The following MALRD1 variants were observed in gnomAD, a reference collection of about 807,000 sequenced individuals.
The protein encoded by MALRD1 is MAM and LDL receptor class A domain containing 1, also known as MAM and LDL-receptor class A domain-containing protein 1.
Under a neutral mutation model 242.1 loss-of-function variants are expected in MALRD1, and 247 were observed. The observed-to-expected ratio is 1.02, with a 90% CI of 0.92 to 1.13. The LOEUF is 1.13. MALRD1 is among the 50% of genes most tolerant of loss of function. The probability of loss-of-function intolerance (pLI) is 0.00; values close to 1 mark genes in which losing one functional copy is unlikely to be tolerated. For missense variants in MALRD1, 2,989 were observed against 2,533.1 expected, an observed-to-expected ratio of 1.18 and a Z score of -3.86; for synonymous variants, 995 against 866.6, an observed-to-expected ratio of 1.15 and a Z score of -2.60.
At chr10:19,313,379 A>T (rs2131996989) in intron 21 of MALRD1, among the ~76,000 whole-genome samples, 2 of 151,544 alleles carry the variant, frequency 1.3e-5, no homozygotes, top group Admixed American at 1.3e-4. Flanking sequence ...CTGATCTAAA[A>T]TCTGTAATTT....
At chr10:19,125,364 T>TC (rs1491231427) in intron 7 of MALRD1, among the ~76,000 whole-genome samples, 6 of 122,576 alleles carry the variant, frequency 4.9e-5, no homozygotes, top group South Asian at 2.9e-4. Flanking sequence ...TTTCTTTCTT[T>TC]CTTTCTTTCT....
intron 19 of MALRD1, among the ~76,000 whole-genome samples, chr10:19,276,220 C>T (rs548571391): frequency 4.6e-5 from 7 of 152,170 alleles, no homozygotes; most frequent in East Asian, 1.9e-4. Flanking sequence ...TGACAAAATA[C>T]GTCACTTTCC....
chr10:19,269,182 C>T (rs1401506853), intron 19 of MALRD1, among the ~76,000 whole-genome samples: 1 of 152,124 alleles, frequency 6.6e-6, no homozygotes, highest in Non-Finnish European at 1.5e-5. Flanking sequence ...GAATATTTTC[C>T]CCACTCCACA....
At position 19,280,080 on chromosome 10, in the gene MALRD1, A is replaced by G; in HGVS notation, c.3113A>G (p.Glu1038Gly). Residue 1038 changes from glutamate (E) to glycine (G), a missense_variant, in exon 20 of 40, where the codon GAA (glutamate) becomes GGA (glycine). By Grantham distance (98) the Glu-to-Gly change is moderately conservative (BLOSUM62 -2). Coordinates refer to ENST00000454679, the MANE Select transcript of MALRD1 (RefSeq NM_001142308.3). ...CCAGCAGACCTCCCAACTCCACCAG[A>G]AACGTCAGTTCCTGTAACATTACCT... ...NLPADLPTPPETSVPVTLPPH... is the reference protein window; with the variant it reads ...NLPADLPTPPGTSVPVTLPPH... 1 of 1,523,542 alleles carries G rather than the reference A, an allele frequency of 6.6e-7. No homozygotes were observed. The allele number at this position is 1,523,542 out of a possible 1,614,324, so 94.4% of individuals were successfully genotyped here. A position where few individuals can be genotyped will look rare whatever the true frequency, so the allele number is the denominator to read the frequency against.
At chr10:19,637,686 GC>G (rs143637978) in intron 36 of MALRD1, among the ~76,000 whole-genome samples, 6,821 of 152,240 alleles carry the variant, frequency 0.045, 204 homozygotes, top group Middle Eastern at 0.092. Flanking sequence ...GGCACCTGGG[GC>G]TAAGTCAGGG....
chr10:19,441,572 C>T (rs2993648), intron 28 of MALRD1, among the ~76,000 whole-genome samples: 106,947 of 152,030 alleles, frequency 0.7, 37,685 homozygotes, highest in Non-Finnish European at 0.74. Context: ...TAGCCAGTTT[C>T]CCCAGCACCA....
rs1839581316 is a variant in MALRD1, at chr10:19,257,754, A to G, written c.3062A>G (p.Asp1021Gly). ...DIAIDDLSFM[D>G]CTLYPGNLPA... ...GCGATTGATGATCTGTCATTTATGG[A>G]CTGCACCCTCTACCCTGGTAAGAGA... The change falls in exon 19 of 40, where the codon GAC becomes GGC. Residue 1021 changes from aspartate (D) to glycine (G), a missense_variant. Asp to Gly is a moderately conservative substitution (Grantham distance 94). Transcript: ENST00000454679. The G allele has an allele frequency of 2.6e-6, 4 of 1,537,822 alleles. No individual in the cohort carries two copies. In the East Asian group the frequency reaches 7.4e-5, roughly 28 times the overall value.
Position 19,601,905 on chromosome 10 carries a change from C to A in MALRD1, c.5945-5872C>A, listed in dbSNP as rs550536623. On this transcript the variant is annotated intron_variant, in intron 34 of 39. Transcript: ENST00000454679. ...TTGAAACTATGATCTTATCTGATCT[C>A]TCAGCTTTTTGCAATGAAAAATAAT... Among the ~76,000 whole-genome samples, 119 of 152,014 alleles carry A rather than the reference C, an allele frequency of 7.8e-4. 1 individual carries two copies. The highest frequency in any genetic ancestry group is 1.5e-3 in the Non-Finnish European group (102 of 67,976).
intron 13 of MALRD1, among the ~76,000 whole-genome samples, chr10:19,170,301 C>T (rs76227370): frequency 2.0e-5 from 3 of 152,084 alleles, no homozygotes; most frequent in Non-Finnish European, 4.4e-5. Flanking sequence ...TATTTCTTTT[C>T]CCCCTAACTA....
intron 28 of MALRD1, among the ~76,000 whole-genome samples, chr10:19,420,335 C>A (rs11498300): frequency 6.6e-6 from 1 of 151,306 alleles, no homozygotes; most frequent in Non-Finnish European, 1.5e-5. Context: ...AATCGAAAAA[C>A]GTTGCTGTAT....
chr10:19,669,889 AAAAT>A (rs1406263721), intron 36 of MALRD1, among the ~76,000 whole-genome samples: 1 of 152,156 alleles, frequency 6.6e-6, no homozygotes, highest in Non-Finnish European at 1.5e-5. Context: ...TTATAACAAT[AAAAT>A]AAAGAACCTC....
chr10:19,533,264 C>T lies in MALRD1; in HGVS notation c.5478+1913C>T, dbSNP rs560409153. On this transcript the variant is annotated intron_variant, in intron 32 of 39. Transcript: ENST00000454679. Reference sequence around the variant, plus strand: ...CTTTGAAATAGAAATAGTGACCTCACGTCTTGATTTCTGATACCTGACTTT... The same window carrying T: ...CTTTGAAATAGAAATAGTGACCTCATGTCTTGATTTCTGATACCTGACTTT... Among the ~76,000 whole-genome samples the T allele has an allele frequency of 3.3e-5, 5 of 152,298 alleles. No individual in the cohort carries two copies. In the East Asian group the frequency reaches 5.8e-4, roughly 18 times the overall value.
At chr10:19,300,173 G>T (rs377376516) in intron 21 of MALRD1, among the ~76,000 whole-genome samples, 12 of 152,028 alleles carry the variant, frequency 7.9e-5, no homozygotes, top group Admixed American at 2.6e-4. Flanking sequence ...GCAGGTGAAA[G>T]ATCTTTATAA....
chr10:19,638,809 G>C (rs980273165), intron 36 of MALRD1, among the ~76,000 whole-genome samples: 6 of 152,120 alleles, frequency 3.9e-5, no homozygotes, highest in African/African-American at 1.4e-4. Context: ...TCCTAAGAAG[G>C]GAGCTCAGAC....
chr10:19,193,855 T>A (rs914056410), intron 14 of MALRD1, among the ~76,000 whole-genome samples: 2 of 151,386 alleles, frequency 1.3e-5, no homozygotes, highest in South Asian at 2.1e-4. Context: ...TATATATATA[T>A]ACACACACAT....
At chr10:19,290,142 T>C (rs1287034819) in intron 21 of MALRD1, 1 of 152,210 alleles carries the variant, frequency 6.6e-6, no homozygotes, top group East Asian at 1.9e-4. Context: ...GAAAATGACA[T>C]GACTACCTGA....
intron 32 of MALRD1, among the ~76,000 whole-genome samples, chr10:19,537,234 G>C (rs1051393159): frequency 6.6e-6 from 1 of 152,088 alleles, no homozygotes; most frequent in African/African-American, 2.4e-5. Context: ...ATATGTAAAA[G>C]GGCTGTTTGG....
At chr10:19,466,111 C>T (rs1332240548) in intron 29 of MALRD1, among the ~76,000 whole-genome samples, 2 of 152,040 alleles carry the variant, frequency 1.3e-5, no homozygotes, top group African/African-American at 4.8e-5. Flanking sequence ...AATTATTAAA[C>T]ATTTATTTTT....
At chr10:19,357,122 A>T (rs1488769417) in intron 26 of MALRD1, among the ~76,000 whole-genome samples, 2 of 147,560 alleles carry the variant, frequency 1.4e-5, no homozygotes, top group Non-Finnish European at 3.0e-5. Flanking sequence ...AAAAAAAAAT[A>T]AAAAACAAAA....
Sources: gnomAD v4.1 joint callset for allele counts (sites outside exome capture counted in the v4.1 genomes callset) on GRCh38, gnomAD v4.1.1 for gene constraint, MANE v1.5 for transcripts, NCBI Gene and HGNC (gene_info 2026-07-23, HGNC 2026-07-21) for gene names.